The following GABRG3 variants were observed in gnomAD, a reference collection of about 807,000 sequenced individuals.
The protein encoded by GABRG3 is gamma-aminobutyric acid type A receptor subunit gamma3, also known as gamma-aminobutyric acid receptor subunit gamma-3.
In GABRG3, 25 loss-of-function variants were observed where a neutral mutation model predicts 48.8. That is an observed-to-expected ratio of 0.51 (90% CI 0.37 to 0.72). The LOEUF (loss-of-function observed/expected upper bound fraction) is 0.72, where lower values mean the gene tolerates loss of function less well. Ranked by LOEUF, GABRG3 falls within the 30% of genes least tolerant of loss-of-function variation. The probability of loss-of-function intolerance (pLI) is 0.00; values close to 1 mark genes in which losing one functional copy is unlikely to be tolerated. For missense variants in GABRG3, 394 were observed against 577.9 expected (o/e 0.68, Z 3.26); for synonymous variants, 227 against 217.6 (o/e 1.04, Z -0.38).
intron 5 of GABRG3, among the ~76,000 whole-genome samples, chr15:27,351,881 T>C (rs903233850): frequency 2.0e-5 from 3 of 149,594 alleles, no homozygotes; most frequent in Non-Finnish European, 4.5e-5. Context: ...TGCGTATGTA[T>C]GATGTGTGTG....
At chr15:27,199,397 C>G (rs1888609961) in intron 3 of GABRG3, among the ~76,000 whole-genome samples, 1 of 152,058 alleles carries the variant, frequency 6.6e-6, no homozygotes, top group South Asian at 2.1e-4. Flanking sequence ...AATGTGTTCC[C>G]CACTGGGAGG....
intron 5 of GABRG3, among the ~76,000 whole-genome samples, chr15:27,374,968 A>C (rs1328167833): frequency 6.6e-6 from 1 of 152,212 alleles, no homozygotes; most frequent in Non-Finnish European, 1.5e-5. Flanking sequence ...ATGACCCCCA[A>C]CACAATGGGG....
In GABRG3 at chr15:27,535,242, G is replaced by A. The variant is rs566291083; in HGVS notation, c.*2361G>A. 5.3e-5 allele frequency: 8 copies of A among 152,236 alleles called. No individual in the cohort carries two copies. The highest frequency in any genetic ancestry group is 5.2e-4 in the Admixed American group (8 of 15,308). The allele number at this position is 152,236 out of a possible 1,614,324, so 9.4% of individuals were successfully genotyped here. A position where few individuals can be genotyped will look rare whatever the true frequency, so the allele number is the denominator to read the frequency against. ...CCTGCTACATTGTAAACGAAGTTCT[G>A]GAGAGAACTGAATTTTCTAGAAAAA... is the stretch of plus-strand genomic sequence containing the variant. On this transcript the variant is annotated 3_prime_UTR_variant, in exon 10 of 10. Coordinates refer to ENST00000615808, the MANE Select transcript of GABRG3 (RefSeq NM_033223.5).
chr15:27,033,279 CCT>C (rs1178367431), intron 3 of GABRG3, among the ~76,000 whole-genome samples: 13 of 152,022 alleles, frequency 8.6e-5, no homozygotes, highest in Non-Finnish European at 1.5e-4. Context: ...CCATGGTGAG[CCT>C]GCTGCCTCTG....
chr15:27,091,834 TG>T (rs1353947246), intron 3 of GABRG3, among the ~76,000 whole-genome samples: 2 of 152,206 alleles, frequency 1.3e-5, no homozygotes, highest in Non-Finnish European at 2.9e-5. Context: ...TACTGCATCG[TG>T]GGGCAGAGCT....
At chr15:27,370,093 T>C (rs906310407) in intron 5 of GABRG3, among the ~76,000 whole-genome samples, 1 of 152,244 alleles carries the variant, frequency 6.6e-6, no homozygotes, top group Non-Finnish European at 1.5e-5. Flanking sequence ...ATGCCTTTAA[T>C]GGAATTCAGC....
At chr15:27,277,012 A>G (rs1405594688) in intron 3 of GABRG3, among the ~76,000 whole-genome samples, 1 of 152,218 alleles carries the variant, frequency 6.6e-6, no homozygotes, top group African/African-American at 2.4e-5. Flanking sequence ...GAAGAAAAAA[A>G]TCAGAACTTG....
intron 3 of GABRG3, among the ~76,000 whole-genome samples, chr15:27,245,074 C>T (rs1890231276): frequency 6.6e-6 from 1 of 152,076 alleles, no homozygotes; most frequent in African/African-American, 2.4e-5. Flanking sequence ...CCTCCTTAGT[C>T]CTGTGGGATG....
At chr15:27,047,277 C>T (rs1460511899) in intron 3 of GABRG3, among the ~76,000 whole-genome samples, 3 of 152,134 alleles carry the variant, frequency 2.0e-5, no homozygotes, top group Non-Finnish European at 2.9e-5. Context: ...GTGCACTATG[C>T]ATGTTTGGGT....
intron 5 of GABRG3, among the ~76,000 whole-genome samples, chr15:27,370,462 G>A (rs1324306058): frequency 6.6e-6 from 1 of 152,122 alleles, no homozygotes; most frequent in African/African-American, 2.4e-5. Flanking sequence ...TACCTGTTTG[G>A]GTCATCTCCA....
chr15:27,183,836 G>A (rs1421683422), intron 3 of GABRG3, among the ~76,000 whole-genome samples: 1 of 152,104 alleles, frequency 6.6e-6, no homozygotes, highest in Non-Finnish European at 1.5e-5. Flanking sequence ...AAATGCATAT[G>A]TTTGCACATA....
chr15:27,349,209 A>T lies in GABRG3; in HGVS notation c.574+20321A>T, dbSNP rs149687553. ...ATACATATATATATATCTTTTTTAC[A>T]TACACATTTTATAAATACTATATAT... On this transcript the variant is annotated intron_variant, in intron 5 of 9. Coordinates refer to ENST00000615808, the MANE Select transcript of GABRG3 (RefSeq NM_033223.5). Among the ~76,000 whole-genome samples the T allele has an allele frequency of 5.4e-3, 826 of 152,216 alleles. 6 individuals carry two copies. The highest frequency in any genetic ancestry group is 0.019 in the African/African-American group (783 of 41,532).
intron 3 of GABRG3, among the ~76,000 whole-genome samples, chr15:27,320,067 C>T (rs1893367513): frequency 6.6e-6 from 1 of 152,124 alleles, no homozygotes; most frequent in Non-Finnish European, 1.5e-5. Flanking sequence ...GGCCTCCTAG[C>T]CAGAGGCAAA....
intron 2 of GABRG3, among the ~76,000 whole-genome samples, chr15:26,990,144 A>C (rs1487800665): frequency 2.0e-5 from 3 of 152,230 alleles, no homozygotes; most frequent in African/African-American, 7.2e-5. Flanking sequence ...TATACCCAGC[A>C]GTGGAATTGC....
intron 3 of GABRG3, among the ~76,000 whole-genome samples, chr15:27,032,779 A>G (rs1026681010): frequency 6.6e-5 from 10 of 152,180 alleles, no homozygotes; most frequent in East Asian, 3.9e-4. Flanking sequence ...CATCTAAACC[A>G]TATCACCTGG....
At chr15:27,157,107 CA>C (rs1335662332) in intron 3 of GABRG3, among the ~76,000 whole-genome samples, 1 of 152,126 alleles carries the variant, frequency 6.6e-6, no homozygotes, top group Non-Finnish European at 1.5e-5. Context: ...TTTGCACTTG[CA>C]GGTAGAGAGT....
intron 5 of GABRG3, among the ~76,000 whole-genome samples, chr15:27,426,936 A>G (rs890627774): frequency 2.0e-5 from 3 of 152,176 alleles, no homozygotes; most frequent in Non-Finnish European, 2.9e-5. Context: ...TTTCCAGGCC[A>G]TCTGGAATCA....
intron 3 of GABRG3, among the ~76,000 whole-genome samples, chr15:27,246,173 G>A (rs926544927): frequency 2.0e-5 from 3 of 152,268 alleles, no homozygotes; most frequent in African/African-American, 7.2e-5. Flanking sequence ...TTTGGAGGAG[G>A]CAGATATCCA....
chr15:27,435,952 T>A (rs1888596465), intron 5 of GABRG3, among the ~76,000 whole-genome samples: 1 of 152,146 alleles, frequency 6.6e-6, no homozygotes, highest in Admixed American at 6.5e-5. Flanking sequence ...CAGAGTGGTG[T>A]TACCAGTACC....
Sources: gnomAD v4.1 joint callset for allele counts (sites outside exome capture counted in the v4.1 genomes callset) on GRCh38, gnomAD v4.1.1 for gene constraint, MANE v1.5 for transcripts, NCBI Gene and HGNC (gene_info 2026-07-23, HGNC 2026-07-21) for gene names.